Variants in FAM184A observed in about 807,000 individuals in gnomAD.
FAM184A encodes protein FAM184A.
A neutral mutation model predicts 143.8 loss-of-function variants in FAM184A; 99 were observed. The ratio of observed to expected loss-of-function variants is 0.69; its 90% CI spans 0.58 to 0.81. The LOEUF (loss-of-function observed/expected upper bound fraction) is 0.81, where lower values mean the gene tolerates loss of function less well. FAM184A is among the 40% of genes least tolerant of loss of function. The pLI, the probability that FAM184A is intolerant of heterozygous loss-of-function variation, is 0.00. For synonymous variants in FAM184A, 427 were observed against 446.4 expected (o/e 0.96, Z 0.55); for missense variants, 1,217 against 1,310.5 (o/e 0.93, Z 1.10).
intron 9 of FAM184A, among the ~76,000 whole-genome samples, chr6:118,990,752 GCACA>G (rs1252254582): frequency 2.0e-5 from 3 of 151,974 alleles, no homozygotes; most frequent in African/African-American, 7.2e-5. Flanking sequence ...AGGAGTCATG[GCACA>G]CACCTGTAAT....
upstream of FAM184A, among the ~76,000 whole-genome samples, chr6:119,079,364 TAAG>T (rs919341528): frequency 6.6e-6 from 1 of 151,996 alleles, no homozygotes; most frequent in Non-Finnish European, 1.5e-5. Flanking sequence ...TGGAAATAAG[TAAG>T]AATAGGATCG....
chr6:119,078,133 C>A lies in FAM184A; in HGVS notation c.159+8G>T. On this transcript the variant is annotated splice_region_variant and intron_variant, in intron 1 of 17. Transcript: ENST00000338891. This position sits in a 1 kb window ranked among gnomAD's most constrained non-coding sequence, Gnocchi z 5.5. ...GGTCGCCACCTGCCCCGTCGCTGCC[C>A]CCCTTACCTTGGTGAGCTGGGCGAT... 1 of 1,582,418 alleles carries A rather than the reference C, an allele frequency of 6.3e-7. No homozygotes were observed. The highest frequency in any genetic ancestry group is 8.6e-7 in the Non-Finnish European group (1 of 1,166,972).
intron 9 of FAM184A, among the ~76,000 whole-genome samples, chr6:118,980,894 A>T (rs1044545655): frequency 4.6e-5 from 7 of 152,220 alleles, no homozygotes; most frequent in Non-Finnish European, 7.3e-5. Context: ...ATTAGCTAAG[A>T]TTATTTGAGA....
At chr6:119,102,000 G>A (rs1253782779) in intron 1 of FAM184A, among the ~76,000 whole-genome samples, 4 of 152,034 alleles carry the variant, frequency 2.6e-5, no homozygotes, top group African/African-American at 9.7e-5. Context: ...AGGTTGCAGT[G>A]AGCCGAGATC....
At position 118,974,252 on chromosome 6, in the gene FAM184A, C is replaced by A. The variant is rs115672358; in HGVS notation, c.2915+176G>T. Among the ~76,000 whole-genome samples, 266 of 152,212 alleles carry A rather than the reference C, an allele frequency of 1.7e-3. 1 individual carries two copies. Among genetic ancestry groups the A allele is most frequent in the Middle Eastern group, 0.01 (3 of 294 alleles). On this transcript the variant is annotated intron_variant, in intron 14 of 17. Coordinates refer to ENST00000338891, the MANE Select transcript of FAM184A (RefSeq NM_024581.6). ...TTGATAAAACATCATCATTCAACTG[C>A]CTCATCCTAATTAAAGAACATATAG...
intron 1 of FAM184A, among the ~76,000 whole-genome samples, chr6:119,127,071 C>T (rs536737179): frequency 1.3e-5 from 2 of 152,248 alleles, no homozygotes; most frequent in African/African-American, 4.8e-5. Context: ...TGGGACAGGC[C>T]ATGGGTGGTT....
chr6:119,110,639 T>C (rs891172948), intron 1 of FAM184A, among the ~76,000 whole-genome samples: 2 of 152,210 alleles, frequency 1.3e-5, no homozygotes, highest in Non-Finnish European at 2.9e-5. Context: ...AGCTTGAAGA[T>C]GTGGCAAGAT....
chr6:119,102,613 C>A (rs1280303420), intron 1 of FAM184A, among the ~76,000 whole-genome samples: 1 of 151,368 alleles, frequency 6.6e-6, no homozygotes, highest in African/African-American at 2.4e-5. Context: ...TATGGTGAAG[C>A]CCCGTCTCTA....
chr6:118,982,408 T>C (rs1784051037), intron 9 of FAM184A, among the ~76,000 whole-genome samples: 1 of 152,176 alleles, frequency 6.6e-6, no homozygotes, highest in African/African-American at 2.4e-5. Context: ...TGTTGAAATG[T>C]ATACGGGAAA....
intron 1 of FAM184A, among the ~76,000 whole-genome samples, chr6:119,060,373 GGGCAAGGCAGCTAATGGTACT>G (rs1400715704): frequency 6.6e-6 from 1 of 152,152 alleles, no homozygotes; most frequent in Non-Finnish European, 1.5e-5. Flanking sequence ...GGAAAAACAT[GGGCAAGGCAGCTAATGGTACT>G]GGCAAGACAG....
At chr6:119,129,022 C>A (rs1789455049) in intron 1 of FAM184A, among the ~76,000 whole-genome samples, 1 of 152,176 alleles carries the variant, frequency 6.6e-6, no homozygotes, top group African/African-American at 2.4e-5. Context: ...TCAAGCATTT[C>A]TTTGTGCTGA....
chr6:119,108,354 C>A (rs1339596796), intron 1 of FAM184A, among the ~76,000 whole-genome samples: 3 of 152,100 alleles, frequency 2.0e-5, no homozygotes, highest in African/African-American at 7.2e-5. Context: ...ACTCGAGTCT[C>A]TTCTCTCTTC....
At chr6:119,061,017 G>A (rs2114767351) in intron 1 of FAM184A, among the ~76,000 whole-genome samples, 1 of 152,280 alleles carries the variant, frequency 6.6e-6, no homozygotes, top group East Asian at 1.9e-4. Context: ...GGAAGTTCTG[G>A]AGTTTAAGAT....
chr6:119,058,176 T>C (rs976488150), intron 1 of FAM184A, among the ~76,000 whole-genome samples: 6 of 59,638 alleles, frequency 1.0e-4, no homozygotes, highest in Non-Finnish European at 1.9e-4. Context: ...TCCTTCTCTC[T>C]TTTTTTTTTT....
Position 119,078,216 on chromosome 6 carries a change from C to T in FAM184A, c.84G>A (p.Gln28=). ...AKFAPSPATA[Q]LAGHSMDYSQ... is the part of the protein sequence containing the mutation. ...TGTAGTCCATGCTGTGCCCAGCCAGCTGTGCGGTGGCCGGCGAGGGCGCGA... is the reference window on the plus strand; with the variant it reads ...TGTAGTCCATGCTGTGCCCAGCCAGTTGTGCGGTGGCCGGCGAGGGCGCGA... Residue 28 remains glutamine (Q), a synonymous_variant, in exon 1 of 18, where the codon CAG becomes CAA. Coordinates refer to ENST00000338891, the MANE Select transcript of FAM184A (RefSeq NM_024581.6). The surrounding 1 kb of genome is among the most constrained non-coding windows in gnomAD (Gnocchi z 5.5). 6.4e-7 allele frequency: 1 copy of T among 1,560,320 alleles called. No individual in the cohort carries two copies.
At chr6:119,069,099 G>A in intron 1 of FAM184A, 2 of 356,692 alleles carry the variant, frequency 5.6e-6, no homozygotes, top group Non-Finnish European at 1.2e-5. Context: ...GAAAATAAAG[G>A]CCAAAACCAC....
At position 119,024,071 on chromosome 6, in the gene FAM184A, G is replaced by A. The variant is rs766691449; in HGVS notation, c.902C>T (p.Thr301Ile). Residue 301 changes from threonine to isoleucine, a missense_variant, in exon 2 of 18, where the codon ACT (threonine) becomes ATT (isoleucine). Coordinates refer to ENST00000338891, the MANE Select transcript of FAM184A (RefSeq NM_024581.6). Reference sequence around the variant, plus strand: ...TAACTCTGTCTTTAATTTTCCTATAGTTTTTCGTAAAATTGCTTCTTGTCC... The same window carrying A: ...TAACTCTGTCTTTAATTTTCCTATAATTTTTCGTAAAATTGCTTCTTGTCC... Reference protein sequence around the residue: ...FQGQEAILRKTIGKLKTELQM... With the variant: ...FQGQEAILRKIIGKLKTELQM... The A allele has an allele frequency of 5.0e-6, 8 of 1,614,058 alleles. No homozygotes were observed. The Middle Eastern group carries it at 6.6e-4, about 133-fold the overall frequency.
At chr6:118,989,890 G>A (rs747177156) in intron 9 of FAM184A, among the ~76,000 whole-genome samples, 21 of 151,598 alleles carry the variant, frequency 1.4e-4, no homozygotes, top group Non-Finnish European at 2.4e-4. Context: ...GTGCAGTGGC[G>A]CGATCTCAGC....
At chr6:119,125,845 G>A (rs1582637946) in intron 1 of FAM184A, among the ~76,000 whole-genome samples, 1 of 152,184 alleles carries the variant, frequency 6.6e-6, no homozygotes, top group South Asian at 2.1e-4. Flanking sequence ...CTTCCTGGTA[G>A]CACTCCAGCC....
Sources: gnomAD v4.1 joint callset for allele counts (sites outside exome capture counted in the v4.1 genomes callset) on GRCh38, gnomAD v4.1.1 for gene constraint, Gnocchi (gnomAD v3.1) non-coding constraint, MANE v1.5 for transcripts, NCBI Gene and HGNC (gene_info 2026-07-23, HGNC 2026-07-21) for gene names.